Variants in LRRTM4 observed in about 807,000 individuals in gnomAD.
LRRTM4 encodes leucine-rich repeat transmembrane neuronal protein 4.
A neutral mutation model predicts 47.6 loss-of-function variants in LRRTM4; 25 were observed. That is an observed-to-expected ratio of 0.53 (90% CI 0.38 to 0.73). The LOEUF (loss-of-function observed/expected upper bound fraction) is 0.73, where lower values mean the gene tolerates loss of function less well. Among genes scored for constraint, LRRTM4 ranks in the 30% least tolerant of loss-of-function variants. LRRTM4 has a pLI of 0.00. For missense variants in LRRTM4, 638 were observed against 713.4 expected, an observed-to-expected ratio of 0.89 and a Z score of 1.20; for synonymous variants, 311 against 269.5, an observed-to-expected ratio of 1.15 and a Z score of -1.51.
intron 3 of LRRTM4, among the ~76,000 whole-genome samples, chr2:77,042,917 A>C (rs1474889954): frequency 6.6e-6 from 1 of 151,586 alleles, no homozygotes; most frequent in African/African-American, 2.4e-5. Flanking sequence ...TGCCACACAA[A>C]GGGATTAAAG....
chr2:76,780,271 GTT>G (rs1674295357), intron 3 of LRRTM4, among the ~76,000 whole-genome samples: 2 of 152,154 alleles, frequency 1.3e-5, no homozygotes, highest in African/African-American at 2.4e-5. Context: ...GTATCTTTGT[GTT>G]GTTCTCTGTA....
intron 3 of LRRTM4, among the ~76,000 whole-genome samples, chr2:77,342,028 A>C (rs1326278045): frequency 6.6e-6 from 1 of 151,962 alleles, no homozygotes; most frequent in Non-Finnish European, 1.5e-5. Flanking sequence ...ATTTAAGTTA[A>C]ATAAATTTGG....
intron 3 of LRRTM4, among the ~76,000 whole-genome samples, chr2:77,221,417 G>A (rs923170416): frequency 6.6e-5 from 10 of 152,150 alleles, no homozygotes; most frequent in African/African-American, 2.4e-4. Context: ...TGGCAAATTG[G>A]ATAAAGAGTC....
intron 3 of LRRTM4, among the ~76,000 whole-genome samples, chr2:76,919,566 C>T (rs988805925): frequency 6.6e-6 from 1 of 152,110 alleles, no homozygotes; most frequent in Non-Finnish European, 1.5e-5. Flanking sequence ...CTGCGGCCCT[C>T]ATCCTGTGAC....
chr2:76,876,845 C>A lies in LRRTM4; in HGVS notation c.1552-127929G>T, dbSNP rs140475219. Among the ~76,000 whole-genome samples, 19 of 151,914 alleles carry A rather than the reference C, an allele frequency of 1.3e-4. No individual in the cohort carries two copies. In the East Asian group the frequency reaches 3.5e-3, roughly 28 times the overall value. Reference sequence around the variant, plus strand: ...TTAGAAAAAGAGAAATCACTCTGTACCTTGGTAAACATTAATAAATTGATA... The same window carrying A: ...TTAGAAAAAGAGAAATCACTCTGTAACTTGGTAAACATTAATAAATTGATA... On this transcript the variant is annotated intron_variant, in intron 3 of 3. Transcript: ENST00000409884.
chr2:76,835,602 A>C (rs1671486714), intron 3 of LRRTM4, among the ~76,000 whole-genome samples: 1 of 152,106 alleles, frequency 6.6e-6, no homozygotes, highest in East Asian at 1.9e-4. Flanking sequence ...AACCTCTGTC[A>C]GAATTGGTCT....
At position 77,519,219 on chromosome 2, in the gene LRRTM4, A is replaced by C; in HGVS notation, c.650T>G (p.Phe217Cys). The change falls in exon 3 of 4, where the codon TTT becomes TGT. Residue 217 changes from phenylalanine (F) to cysteine (C), a missense_variant. Physicochemically the swap from Phe to Cys is radical, Grantham distance 205 (BLOSUM62 -2). Transcript: ENST00000409884. This position sits in a 1 kb window ranked among gnomAD's most constrained non-coding sequence, Gnocchi z 4.6. ...LKELHLEHNQ[F>C]SKINFAHFPR... The stretch of plus-strand genomic sequence containing the variant: ...AAAATGAGCAAAGTTGATCTTGGAA[A>C]ACTGGTTGTGCTCCAGGTGGAGCTC... The C allele has an allele frequency of 6.2e-7, 1 of 1,613,336 alleles. No homozygotes were observed. Among genetic ancestry groups the C allele is most frequent in the Non-Finnish European group, 8.5e-7 (1 of 1,179,594 alleles).
chr2:76,765,136 C>T (rs562694733), intron 3 of LRRTM4, among the ~76,000 whole-genome samples: 8 of 152,234 alleles, frequency 5.3e-5, no homozygotes, highest in African/African-American at 1.9e-4. Flanking sequence ...TTTTTTGGGA[C>T]CCATCACAAC....
chr2:77,067,627 G>A, intron 3 of LRRTM4, among the ~76,000 whole-genome samples: 1 of 149,610 alleles, frequency 6.7e-6, no homozygotes, highest in East Asian at 2.0e-4. Flanking sequence ...AAAATAAGAA[G>A]ATACATATTA....
chr2:76,774,816 C>T (rs1462938586), intron 3 of LRRTM4, among the ~76,000 whole-genome samples: 3 of 152,124 alleles, frequency 2.0e-5, no homozygotes, highest in Non-Finnish European at 2.9e-5. Flanking sequence ...CCACTGTTTG[C>T]GTAAGTTTCA....
intron 3 of LRRTM4, among the ~76,000 whole-genome samples, chr2:77,044,850 G>T (rs1413615527): frequency 2.6e-5 from 4 of 151,650 alleles, no homozygotes. Flanking sequence ...GCACAAATGA[G>T]ACCTATATAA....
At chr2:77,313,969 G>A (rs908892117) in intron 3 of LRRTM4, among the ~76,000 whole-genome samples, 3 of 152,096 alleles carry the variant, frequency 2.0e-5, no homozygotes, top group South Asian at 2.1e-4. Flanking sequence ...ACGTTGCAAT[G>A]GGAATCATTA....
chr2:77,464,166 GAAGAGAGCACATGC>G (rs1446863131), intron 3 of LRRTM4, among the ~76,000 whole-genome samples: 2 of 152,072 alleles, frequency 1.3e-5, no homozygotes, highest in East Asian at 3.9e-4. Flanking sequence ...CCTAGGAAGG[GAAGAGAGCACATGC>G]CAGTTATAGT....
In LRRTM4 at chr2:76,748,829, T is replaced by G. The variant is rs1301381502; in HGVS notation, c.1639A>C (p.Thr547Pro). The G allele has an allele frequency of 6.2e-7, 1 of 1,613,822 alleles. No individual in the cohort carries two copies. The highest frequency in any genetic ancestry group is 8.5e-7 in the Non-Finnish European group (1 of 1,179,872). Residue 547 changes from threonine (T) to proline (P), a missense_variant, in exon 4 of 4, where the codon ACC becomes CCC. Transcript: ENST00000409884. Reference sequence around the variant, plus strand: ...GGAGACACTGTCTCATAGCCCTTGGTGACATGGAGTGGCTGGTGGGCCTGG... The same window carrying G: ...GGAGACACTGTCTCATAGCCCTTGGGGACATGGAGTGGCTGGTGGGCCTGG... ...YCQAHQPLHV[T>P]KGYETVSPEQ...
At chr2:77,354,296 G>A (rs532999787) in intron 3 of LRRTM4, among the ~76,000 whole-genome samples, 56 of 152,262 alleles carry the variant, frequency 3.7e-4, no homozygotes, top group Middle Eastern at 3.4e-3. Context: ...AGCTATAAAA[G>A]AGCTCCAGGC....
At chr2:76,843,748 T>C (rs773232845) in intron 3 of LRRTM4, among the ~76,000 whole-genome samples, 23 of 152,168 alleles carry the variant, frequency 1.5e-4, no homozygotes, top group Admixed American at 2.6e-4. Context: ...CCAGGGTTGA[T>C]GGTAGCTGAG....
chr2:76,816,733 C>G (rs912545987), intron 3 of LRRTM4, among the ~76,000 whole-genome samples: 3 of 150,532 alleles, frequency 2.0e-5, no homozygotes, highest in Non-Finnish European at 3.0e-5. Flanking sequence ...GAAAGCTCCT[C>G]GAGCCTACCT....
chr2:76,985,447 TAAG>T lies in LRRTM4; in HGVS notation c.1552-236534_1552-236532del, dbSNP rs1372905038. Among the ~76,000 whole-genome samples, 3 of 151,942 alleles carry T rather than the reference TAAG, an allele frequency of 2.0e-5. No individual in the cohort carries two copies. The East Asian group carries it at 5.8e-4, about 30-fold the overall frequency. ...ACACCACAGAAAAGGAACAGAGGAA[TAAG>T]AAGCAATAGGATGTCCCTTCCAGAG... On this transcript the variant is annotated intron_variant, in intron 3 of 3. Transcript: ENST00000409884.
rs529266153 is a variant in LRRTM4 at position 76,795,911 on chromosome 2, C to A, written c.1552-46995G>T. On this transcript the variant is annotated intron_variant, in intron 3 of 3. Coordinates refer to ENST00000409884, the MANE Select transcript of LRRTM4 (RefSeq NM_001134745.3). The stretch of plus-strand genomic sequence containing the variant: ...GCATTTCCATCTGAGGTACCGGGTT[C>A]ATCTCATTGGGAGTGCCAGACAGTG... 2.0e-3 allele frequency among the ~76,000 whole-genome samples: 300 copies of A among 151,786 alleles called. 2 individuals are homozygous for A. The highest frequency in any genetic ancestry group is 5.4e-3 in the African/African-American group (225 of 41,390).
Sources: allele counts gnomAD v4.1 joint callset (sites outside exome capture counted in the v4.1 genomes callset), GRCh38; gene constraint gnomAD v4.1.1; non-coding constraint Gnocchi (gnomAD v3.1); transcripts MANE v1.5; gene names NCBI Gene and HGNC (gene_info 2026-07-23, HGNC 2026-07-21).